Variants in CELF2 observed in about 807,000 individuals in gnomAD.
CELF2 encodes the protein CUG triplet repeat RNA-binding protein 2.
Under a neutral mutation model 62.6 loss-of-function variants are expected in CELF2, and 8 were observed. The observed-to-expected ratio is 0.13, with a 90% CI of 0.07 to 0.23. CELF2 has a LOEUF of 0.23. CELF2 is among the 10% of genes least tolerant of loss of function. The pLI is 1.00. For synonymous variants in CELF2, 258 were observed against 250.0 expected (o/e 1.03, Z -0.30); for missense variants, 333 against 671.0 (o/e 0.50, Z 5.56).
At chr10:10,488,312 A>G in the CELF2 span, among the ~76,000 whole-genome samples, 1 of 152,104 alleles carries the variant, frequency 6.6e-6, no homozygotes, top group African/African-American at 2.4e-5. Flanking sequence ...TCAAACTTCA[A>G]ATTCTAGGAG....
the CELF2 span, among the ~76,000 whole-genome samples, chr10:10,767,779 A>G: frequency 6.6e-6 from 1 of 152,072 alleles, no homozygotes; most frequent in Non-Finnish European, 1.5e-5. Flanking sequence ...GGTGGATCAC[A>G]AGGTCAGGAG....
At chr10:11,236,910 A>G (rs530827674) in intron 3 of CELF2, among the ~76,000 whole-genome samples, 1 of 152,346 alleles carries the variant, frequency 6.6e-6, no homozygotes, top group Admixed American at 6.5e-5. Context: ...GAGTGATGGA[A>G]TAATGCGAAA....
chr10:10,933,562 A>T (rs913031695), intron 2 of CELF2, among the ~76,000 whole-genome samples: 1 of 152,122 alleles, frequency 6.6e-6, no homozygotes, highest in Non-Finnish European at 1.5e-5. Context: ...CGGTAACTTT[A>T]TACCCATTGA....
At chr10:11,298,801 C>T (rs182337546) in intron 9 of CELF2, among the ~76,000 whole-genome samples, 11 of 151,892 alleles carry the variant, frequency 7.2e-5, no homozygotes, top group African/African-American at 2.2e-4. Context: ...TGGAGTGATA[C>T]GAAATACCAC....
At chr10:10,610,642 T>C in the CELF2 span, among the ~76,000 whole-genome samples, 1 of 152,208 alleles carries the variant, frequency 6.6e-6, no homozygotes, top group Non-Finnish European at 1.5e-5. Context: ...TTTTCTTTAA[T>C]TCAACTGCAG....
intron 1 of CELF2, among the ~76,000 whole-genome samples, chr10:11,099,042 C>T (rs3829922): frequency 0.14 from 21,536 of 152,272 alleles, 3,113 homozygotes; most frequent in East Asian, 0.73. Context: ...TTAGGACCGT[C>T]GTCCTGGGGG....
the CELF2 span, among the ~76,000 whole-genome samples, chr10:10,745,533 G>A: frequency 6.6e-6 from 1 of 152,136 alleles, no homozygotes; most frequent in Non-Finnish European, 1.5e-5. Flanking sequence ...CTCCTCCTGG[G>A]GCTTCGAGTT....
chr10:11,287,835 G>C (rs1020465410), intron 8 of CELF2, among the ~76,000 whole-genome samples: 1 of 152,222 alleles, frequency 6.6e-6, no homozygotes, highest in African/African-American at 2.4e-5. Flanking sequence ...ACCCTTCAAG[G>C]TGGGGTTCAG....
At chr10:11,313,545 G>A (rs1299165845) in intron 9 of CELF2, among the ~76,000 whole-genome samples, 1 of 152,174 alleles carries the variant, frequency 6.6e-6, no homozygotes, top group Admixed American at 6.5e-5. Context: ...CTATTTATCA[G>A]GGAAATGTAA....
At chr10:10,548,849 G>T in the CELF2 span, among the ~76,000 whole-genome samples, 25 of 152,220 alleles carry the variant, frequency 1.6e-4, no homozygotes, top group Admixed American at 7.8e-4. Context: ...AGCAATGTGT[G>T]GCTAGCTCCT....
chr10:10,599,712 C>T, the CELF2 span, among the ~76,000 whole-genome samples: 10 of 147,848 alleles, frequency 6.8e-5, no homozygotes, highest in African/African-American at 2.2e-4. Flanking sequence ...CGTCTCTGCC[C>T]TTTTCTTTCT....
chr10:10,587,508 G>A, the CELF2 span, among the ~76,000 whole-genome samples: 15 of 152,104 alleles, frequency 9.9e-5, no homozygotes, highest in Admixed American at 2.0e-4. Flanking sequence ...TTAACTCATC[G>A]GTCGTGGCAA....
intron 1 of CELF2, among the ~76,000 whole-genome samples, chr10:11,114,773 G>T (rs2056156219): frequency 1.3e-5 from 2 of 152,186 alleles, no homozygotes; most frequent in African/African-American, 4.8e-5. Flanking sequence ...ACTCTGAAAA[G>T]ATCAATACCT....
chr10:11,325,705 T>G, intron 11 of CELF2, 131 bp from the exon 12 acceptor site: 37 of 765,414 alleles, frequency 4.8e-5, no homozygotes, highest in Non-Finnish European at 6.4e-5. Flanking sequence ...CTCCAGCACT[T>G]GACATTTATC....
At chr10:10,618,725 C>G in the CELF2 span, among the ~76,000 whole-genome samples, 1 of 151,908 alleles carries the variant, frequency 6.6e-6, no homozygotes, top group African/African-American at 2.4e-5. Flanking sequence ...TGCCTCACGC[C>G]AAGGAAATCA....
intron 2 of CELF2, chr10:10,924,191 A>T (rs918713140): frequency 6.9e-6 from 1 of 145,838 alleles, no homozygotes; most frequent in African/African-American, 2.5e-5. Context: ...CTGAGGCAGG[A>T]GAATGGCGTG....
chr10:11,123,548 C>T (rs2058145713), intron 1 of CELF2, among the ~76,000 whole-genome samples: 1 of 152,294 alleles, frequency 6.6e-6, no homozygotes, highest in South Asian at 2.1e-4. Context: ...CCATGCCCGG[C>T]TGAGGCAAGG....
intron 1 of CELF2, among the ~76,000 whole-genome samples, chr10:11,161,969 G>A (rs1249382511): frequency 6.6e-6 from 1 of 152,220 alleles, no homozygotes; most frequent in East Asian, 1.9e-4. Flanking sequence ...AAAGAATTCA[G>A]TGAGTCTCCG....
the CELF2 span, among the ~76,000 whole-genome samples, chr10:10,573,937 G>A: frequency 2.0e-5 from 3 of 152,030 alleles, no homozygotes; most frequent in African/African-American, 7.2e-5. Context: ...AAGCCAATAA[G>A]TATTAAATGC....
Sources: gnomAD v4.1 joint callset for allele counts (sites outside exome capture counted in the v4.1 genomes callset) on GRCh38, gnomAD v4.1.1 for gene constraint, MANE v1.5 for transcripts, NCBI Gene and HGNC (gene_info 2026-07-23, HGNC 2026-07-21) for gene names.